Variants in RC3H2 observed in about 807,000 individuals in gnomAD.
RC3H2 encodes ring finger and CCCH-type domains 2.
A neutral mutation model predicts 133.3 loss-of-function variants in RC3H2; 31 were observed. That is an observed-to-expected ratio of 0.23 (90% CI 0.17 to 0.31). RC3H2 has a LOEUF of 0.31. Ranked by LOEUF, RC3H2 falls within the 10% of genes least tolerant of loss-of-function variation. The pLI, the probability that RC3H2 is intolerant of heterozygous loss-of-function variation, is 1.00. For synonymous variants in RC3H2, 517 were observed against 502.2 expected, an observed-to-expected ratio of 1.03 and a Z score of -0.40; for missense variants, 1,175 against 1,437.2, an observed-to-expected ratio of 0.82 and a Z score of 2.95.
intron 1 of RC3H2, among the ~76,000 whole-genome samples, chr9:122,901,685 G>C (rs113136408): frequency 6.7e-6 from 1 of 149,050 alleles, no homozygotes; most frequent in Non-Finnish European, 1.5e-5. Context: ...TCCGCCTCCC[G>C]GTTTCATACG....
At position 122,847,602 on chromosome 9, in the gene RC3H2, T is replaced by G. The variant is rs916872215; in HGVS notation, c.*2025A>C. 6.6e-6 allele frequency: 1 copy of G among 151,518 alleles called. No homozygotes were observed. The highest frequency in any genetic ancestry group is 2.4e-5 in the African/African-American group (1 of 41,198). 9.4% of individuals were successfully genotyped at this position (151,518 alleles called of 1,614,324 possible). On this transcript the variant is annotated 3_prime_UTR_variant, in exon 21 of 21. Transcript: ENST00000357244. ...TTTATAGAAAGGTTCTGATATAAAT[T>G]ATATAACAATCATGTTCCTGTAATA...
rs1272375777 is a variant in RC3H2, at chr9:122,848,635, A to C, written c.*992T>G. 1.3e-5 allele frequency: 2 copies of C among 152,224 alleles called. No individual in the cohort carries two copies. The highest frequency in any genetic ancestry group is 2.9e-5 in the Non-Finnish European group (2 of 68,016). The allele number at this position is 152,224 out of a possible 1,614,324, so 9.4% of individuals were successfully genotyped here. A position where few individuals can be genotyped will look rare whatever the true frequency, so the allele number is the denominator to read the frequency against. On this transcript the variant is annotated 3_prime_UTR_variant, in exon 21 of 21. Transcript: ENST00000357244. ...ATTTAACCAAGATAATGCAATGAAC[A>C]ACCAAATTAATTAGTTTAAATTAAA...
At chr9:122,892,885 T>TA (rs750399870) in intron 3 of RC3H2, 24 bp downstream of exon 3, 3 of 1,583,378 alleles carry the variant, frequency 1.9e-6, no homozygotes, top group Non-Finnish European at 2.6e-6. Context: ...TACTTATCAG[T>TA]AAAAATGCAT....
chr9:122,846,300 G>T lies in RC3H2; in HGVS notation c.*3327C>A, dbSNP rs2131372676. The stretch of plus-strand genomic sequence containing the variant: ...TCCTCTTACTAGAATAAATAGCTAT[G>T]ATGGGAAGGAAAAATCAGTGCCACT... On this transcript the variant is annotated 3_prime_UTR_variant, in exon 21 of 21. Transcript: ENST00000357244. 6.6e-6 allele frequency: 1 copy of T among 152,252 alleles called. No homozygotes were observed. The highest frequency in any genetic ancestry group is 2.4e-5 in the African/African-American group (1 of 41,542). The allele number at this position is 152,252 out of a possible 1,614,324, so 9.4% of individuals were successfully genotyped here.
intron 9 of RC3H2, 23 bp from the exon 10 acceptor site, chr9:122,865,680 A>G: frequency 6.3e-7 from 1 of 1,588,580 alleles, no homozygotes; most frequent in South Asian, 1.1e-5. Context: ...CAATCAACAG[A>G]TTGGTGAATA....
chr9:122,877,696 C>T (rs1831402056), intron 8 of RC3H2, 113 bp from the exon 9 acceptor site: 1 of 768,470 alleles, frequency 1.3e-6, no homozygotes, highest in Non-Finnish European at 2.2e-6. Flanking sequence ...TCACATTAGA[C>T]AAGTAATTCT....
chr9:122,850,320 A>T (rs1012763524), intron 20 of RC3H2, among the ~76,000 whole-genome samples: 1 of 152,030 alleles, frequency 6.6e-6, no homozygotes, highest in African/African-American at 2.4e-5. Context: ...TTAAAATACT[A>T]GTTAGTTTAA....
chr9:122,844,732 T>C lies in RC3H2; in HGVS notation c.*4895A>G, dbSNP rs12981. 0.23 allele frequency: 34,653 copies of C among 152,076 alleles called. 5,357 individuals are homozygous for C. The highest frequency in any genetic ancestry group is 0.65 in the East Asian group (3,365 of 5,166). The allele number at this position is 152,076 out of a possible 1,614,324, so 9.4% of individuals were successfully genotyped here. On this transcript the variant is annotated 3_prime_UTR_variant, in exon 21 of 21. Transcript: ENST00000357244. ...GCAAAAACACACAGAATTCACTCTT[T>C]GCTATTCACTATCATCACAACCCTC...
In RC3H2 at chr9:122,877,468, T is replaced by G. The variant is rs764251464; in HGVS notation, c.1325+3A>C. ...CATATGAAACAGAATTCTCAACACT[T>G]ACTTTTCAAGCTCTTCCTGAGAATG... On this transcript the variant is annotated splice_donor_region_variant and intron_variant, in intron 9 of 20. Transcript: ENST00000357244. The G allele has an allele frequency of 6.2e-7, 1 of 1,609,124 alleles. No individual in the cohort carries two copies. The highest frequency in any genetic ancestry group is 1.3e-5 in the African/African-American group (1 of 74,992).
chr9:122,868,371 G>A (rs1208396149), intron 9 of RC3H2, among the ~76,000 whole-genome samples: 3 of 152,170 alleles, frequency 2.0e-5, no homozygotes, highest in Admixed American at 6.5e-5. Flanking sequence ...GTAGACATGG[G>A]AGACTTTTCA....
In RC3H2 at chr9:122,880,472, AAG is replaced by A. The variant is rs541194350; in HGVS notation, c.960+120_960+121del. On this transcript the variant is annotated intron_variant, in intron 6 of 20. Coordinates refer to ENST00000357244, the MANE Select transcript of RC3H2 (RefSeq NM_001100588.3). ...TAAAAAGAAAATAAGGATAATTTATAAGAGTCTGACATTTAAAAACATAGGAA... is the reference window on the plus strand; with the variant it reads ...TAAAAAGAAAATAAGGATAATTTATAAGTCTGACATTTAAAAACATAGGAA... The A allele has an allele frequency of 4.0e-4, 317 of 798,178 alleles. 1 individual carries two copies. The African/African-American group carries it at 4.5e-3, about 11-fold the overall frequency. 49.4% of individuals were successfully genotyped at this position (798,178 alleles called of 1,614,324 possible).
Position 122,851,205 on chromosome 9 carries a change from T to C in RC3H2, c.3256A>G (p.Ile1086Val), listed in dbSNP as rs1564280262. The C allele has an allele frequency of 1.2e-6, 2 of 1,614,090 alleles. No individual in the cohort carries two copies. Among genetic ancestry groups the C allele is most frequent in the East Asian group, 2.2e-5 (1 of 44,876 alleles). ...IEEILDIQLG[I>V]SSQNDQLLNG... ...AGCAACTGATCATTTTGAGAACTGA[T>C]ACCAAGCTGTATGTCCAAGATCTCC... Residue 1086 changes from isoleucine (I) to valine (V), a missense_variant, in exon 20 of 21, where the codon ATC becomes GTC. This residue lies in a region of RC3H2 where 220 missense variants were observed against 201.1 expected (regional missense o/e 1.09). Transcript: ENST00000357244.
chr9:122,903,357 GT>G (rs955596100), intron 1 of RC3H2, among the ~76,000 whole-genome samples: 3 of 152,040 alleles, frequency 2.0e-5, no homozygotes, highest in East Asian at 3.8e-4. Flanking sequence ...TTGTTATGAA[GT>G]TTTTTTTAGC....
intron 2 of RC3H2, among the ~76,000 whole-genome samples, chr9:122,894,739 G>A (rs1183701388): frequency 1.3e-5 from 2 of 152,104 alleles, no homozygotes; most frequent in Non-Finnish European, 2.9e-5. Flanking sequence ...AATTATCTGG[G>A]CATGGTGGCA....
chr9:122,862,520 C>G (rs1012499804), intron 10 of RC3H2, among the ~76,000 whole-genome samples: 7 of 152,204 alleles, frequency 4.6e-5, no homozygotes, highest in Non-Finnish European at 8.8e-5. Flanking sequence ...CACAATACCT[C>G]TCATAGAATT....
intron 3 of RC3H2, among the ~76,000 whole-genome samples, chr9:122,890,856 T>C (rs975008862): frequency 2.6e-5 from 4 of 152,140 alleles, no homozygotes; most frequent in African/African-American, 4.8e-5. Context: ...TGTAAGAATA[T>C]TGCTCCAGCA....
intron 18 of RC3H2, 132 bp downstream of exon 18, chr9:122,853,815 CTGTTA>C (rs1353056542): frequency 1.5e-5 from 23 of 1,518,678 alleles, no homozygotes; most frequent in South Asian, 2.5e-5. Flanking sequence ...AATTTTATTT[CTGTTA>C]TAAGTTTTAA....
chr9:122,862,217 T>C (rs1304113956), intron 10 of RC3H2, among the ~76,000 whole-genome samples: 53 of 151,484 alleles, frequency 3.5e-4, no homozygotes, highest in Non-Finnish European at 8.8e-5. Flanking sequence ...AAGCTAATCT[T>C]CAAGGCAACA....
At chr9:122,866,683 A>C (rs1239864949) in intron 9 of RC3H2, among the ~76,000 whole-genome samples, 1 of 152,096 alleles carries the variant, frequency 6.6e-6, no homozygotes, top group Non-Finnish European at 1.5e-5. Context: ...CCGGGATTGC[A>C]GACGATGTCT....
Sources: allele counts gnomAD v4.1 joint callset (sites outside exome capture counted in the v4.1 genomes callset), GRCh38; gene constraint gnomAD v4.1.1; regional missense constraint gnomAD v4.1.1; transcripts MANE v1.5; gene names NCBI Gene and HGNC (gene_info 2026-07-23, HGNC 2026-07-21).